The following HS2ST1 variants were observed in gnomAD, a reference collection of about 807,000 sequenced individuals.
HS2ST1 encodes the protein 2-O-sulfotransferase.
HS2ST1 carries 18 observed loss-of-function variants against 42.9 expected under a neutral mutation model. The ratio of observed to expected loss-of-function variants is 0.42; its 90% CI spans 0.29 to 0.62. HS2ST1 has a LOEUF of 0.62. Ranked by LOEUF, HS2ST1 falls within the 20% of genes least tolerant of loss-of-function variation. HS2ST1 has a pLI of 0.21. For missense variants in HS2ST1, 334 were observed against 433.8 expected (o/e 0.77, Z 2.04); for synonymous variants, 146 against 152.9 (o/e 0.95, Z 0.33).
chr1:86,972,333 G>C (rs1020321531), intron 1 of HS2ST1, among the ~76,000 whole-genome samples: 4 of 152,000 alleles, frequency 2.6e-5, no homozygotes, highest in Non-Finnish European at 5.9e-5. Context: ...GTATTACAAT[G>C]TTATTATAAT....
At chr1:86,920,540 A>T (rs893975296) in intron 1 of HS2ST1, among the ~76,000 whole-genome samples, 2 of 152,168 alleles carry the variant, frequency 1.3e-5, no homozygotes, top group East Asian at 3.8e-4. Flanking sequence ...AGTGCCATGG[A>T]GTAGTCACCT....
intron 1 of HS2ST1, among the ~76,000 whole-genome samples, chr1:87,065,622 C>A (rs575121717): frequency 6.6e-6 from 1 of 152,286 alleles, no homozygotes. Flanking sequence ...AATGCACAAG[C>A]CAACCTTGTA....
chr1:87,025,708 A>G (rs1321273185), intron 1 of HS2ST1, among the ~76,000 whole-genome samples: 1 of 152,170 alleles, frequency 6.6e-6, no homozygotes, highest in Non-Finnish European at 1.5e-5. Flanking sequence ...GTTCACTAAG[A>G]ATTCCACATA....
chr1:87,025,515 C>T (rs1650061430), intron 1 of HS2ST1, among the ~76,000 whole-genome samples: 1 of 152,166 alleles, frequency 6.6e-6, no homozygotes, highest in African/African-American at 2.4e-5. Context: ...GGAATTAAGA[C>T]ACAATAGCTT....
intron 1 of HS2ST1, among the ~76,000 whole-genome samples, chr1:87,028,676 G>T (rs1345349353): frequency 6.6e-6 from 1 of 152,158 alleles, no homozygotes; most frequent in East Asian, 1.9e-4. Flanking sequence ...ATACACACAC[G>T]TTTTTGCAAA....
intron 1 of HS2ST1, among the ~76,000 whole-genome samples, chr1:86,925,225 A>T (rs888599810): frequency 6.6e-6 from 1 of 152,078 alleles, no homozygotes; most frequent in Non-Finnish European, 1.5e-5. Context: ...CTTAGACTGG[A>T]CCTTATTGTT....
In HS2ST1 at chr1:86,962,586, T is replaced by C. The variant is rs537630569; in HGVS notation, c.124+47426T>C. Among the ~76,000 whole-genome samples the C allele has an allele frequency of 1.4e-4, 22 of 152,338 alleles. No individual in the cohort carries two copies. In the South Asian group the frequency reaches 4.6e-3, roughly 32 times the overall value. On this transcript the variant is annotated intron_variant, in intron 1 of 6. Transcript: ENST00000370550. ...AGATAATGCAGATAATTATAAAATA[T>C]GAAGTTTGGACACATGATTGGGTAA...
At chr1:87,055,419 A>T (rs904754113) in intron 1 of HS2ST1, among the ~76,000 whole-genome samples, 1 of 152,060 alleles carries the variant, frequency 6.6e-6, no homozygotes, top group Non-Finnish European at 1.5e-5. Flanking sequence ...TAACCCATTA[A>T]CCTATCTCCT....
At chr1:86,959,751 AC>A (rs398089412) in intron 1 of HS2ST1, among the ~76,000 whole-genome samples, 4 of 146 alleles carry the variant, frequency 0.027, no homozygotes, top group Admixed American at 0.083. Flanking sequence ...CAACATAAGT[AC>A]AGTACAAGAT....
intron 1 of HS2ST1, among the ~76,000 whole-genome samples, chr1:86,944,008 G>A (rs1408362965): frequency 6.7e-5 from 10 of 149,800 alleles, no homozygotes; most frequent in Non-Finnish European, 1.5e-4. Context: ...CCTGGGTAAC[G>A]AGTGAAACTC....
At chr1:87,017,150 T>C (rs952469823) in intron 1 of HS2ST1, among the ~76,000 whole-genome samples, 3 of 152,060 alleles carry the variant, frequency 2.0e-5, no homozygotes, top group Non-Finnish European at 4.4e-5. Context: ...TCTCCTTTCT[T>C]TTTTGCGACG....
intron 1 of HS2ST1, among the ~76,000 whole-genome samples, chr1:86,923,395 C>T (rs566308333): frequency 5.6e-4 from 83 of 148,962 alleles, no homozygotes; most frequent in African/African-American, 1.9e-3. Context: ...TGCAGGGGAA[C>T]GCCTTTTTTT....
chr1:87,046,719 A>T, intron 1 of HS2ST1: 1 of 1,000,592 alleles, frequency 1.0e-6, no homozygotes, highest in Non-Finnish European at 1.3e-6. Flanking sequence ...TGTCGATTTT[A>T]TTTATTTTTG....
chr1:86,920,817 C>G (rs2102152931), intron 1 of HS2ST1, among the ~76,000 whole-genome samples: 1 of 152,282 alleles, frequency 6.6e-6, no homozygotes, highest in South Asian at 2.1e-4. Context: ...TAGATGGTAA[C>G]TGTCAGTGCT....
intron 1 of HS2ST1, among the ~76,000 whole-genome samples, chr1:86,981,959 C>CTTCT (rs1448641119): frequency 7.2e-5 from 11 of 152,264 alleles, no homozygotes; most frequent in African/African-American, 2.7e-4. Flanking sequence ...CTGCAGCACA[C>CTTCT]TTCTGCCTGG....
chr1:87,065,950 G>T (rs550594212), intron 1 of HS2ST1, among the ~76,000 whole-genome samples: 10 of 152,076 alleles, frequency 6.6e-5, no homozygotes, highest in African/African-American at 1.9e-4. Context: ...ACAATTTATT[G>T]CTCTTTCTCT....
intron 1 of HS2ST1, among the ~76,000 whole-genome samples, chr1:86,964,668 G>A (rs1289764811): frequency 8.5e-5 from 13 of 152,176 alleles, no homozygotes; most frequent in African/African-American, 2.9e-4. Context: ...AGGGAGAGCT[G>A]TGTTTATTAA....
chr1:86,969,650 C>A (rs1419070904), intron 1 of HS2ST1, among the ~76,000 whole-genome samples: 1 of 151,928 alleles, frequency 6.6e-6, no homozygotes, highest in East Asian at 1.9e-4. Flanking sequence ...TGGCTTTTTA[C>A]TTCTAGCTGT....
At chr1:87,046,579 G>A (rs1359038482) in intron 1 of HS2ST1, 2 of 1,578,088 alleles carry the variant, frequency 1.3e-6, no homozygotes. Flanking sequence ...GGCGGAAAAG[G>A]AAACCTCCAG....
Sources: gnomAD v4.1 joint callset for allele counts (sites outside exome capture counted in the v4.1 genomes callset) on GRCh38, gnomAD v4.1.1 for gene constraint, MANE v1.5 for transcripts, NCBI Gene and HGNC (gene_info 2026-07-23, HGNC 2026-07-21) for gene names.